The following EIF3F variants were observed in gnomAD, a reference collection of about 807,000 sequenced individuals.
EIF3F encodes the protein eukaryotic translation initiation factor 3 subunit F, also known as deubiquitinating enzyme eIF3f.
EIF3F carries 8 observed loss-of-function variants against 36.0 expected under a neutral mutation model. That is an observed-to-expected ratio of 0.22 (90% confidence interval 0.13 to 0.40). EIF3F has a LOEUF of 0.40. EIF3F is among the 10% of genes least tolerant of loss of function. The pLI is 1.00. For synonymous variants in EIF3F, 184 were observed against 188.5 expected (o/e 0.98, Z 0.19); for missense variants, 430 against 467.6 (o/e 0.92, Z 0.74).
Position 7,992,941 on chromosome 11 carries a change from C to T in EIF3F, c.570C>T (p.Tyr190=), listed in dbSNP as rs1942114041. The T allele has an allele frequency of 1.9e-6, 3 of 1,613,942 alleles. No homozygotes were observed. The highest frequency in any genetic ancestry group is 2.7e-5 in the African/African-American group (2 of 74,920). The change falls in exon 4 of 8, where the codon TAC becomes TAT. Residue 190 remains tyrosine, a synonymous_variant. Transcript: ENST00000651655. ...TEHSVLIHEY[Y]SREAPNPIHL... ...ACTCTGTGCTGATCCACGAGTACTA[C>T]AGCCGAGAGGCCCCCAACCCCATCC... is the stretch of plus-strand genomic sequence containing the variant.
At position 8,001,318 on chromosome 11, in the gene EIF3F, G is replaced by C. The variant is rs1055151627; in HGVS notation, c.*5296G>C. 1 of 152,166 alleles carries C rather than the reference G, an allele frequency of 6.6e-6. No individual in the cohort carries two copies. Among genetic ancestry groups the C allele is most frequent in the African/African-American group, 2.4e-5 (1 of 41,422 alleles). 9.4% of individuals were successfully genotyped at this position (152,166 alleles called of 1,614,324 possible). ...GGTACAGCCCTCTCTATGTAATTTT[G>C]TGTTTGTCAAAATTACAAATATGCA... is the stretch of plus-strand genomic sequence containing the variant. On this transcript the variant is annotated 3_prime_UTR_variant, in exon 8 of 8. Coordinates refer to ENST00000651655, the MANE Select transcript of EIF3F (RefSeq NM_003754.3).
In EIF3F at chr11:8,001,010, T is replaced by C. The variant is rs1386431834; in HGVS notation, c.*4988T>C. 1 of 152,150 alleles carries C rather than the reference T, an allele frequency of 6.6e-6. No homozygotes were observed. Among genetic ancestry groups the C allele is most frequent in the Non-Finnish European group, 1.5e-5 (1 of 68,026 alleles). The allele number at this position is 152,150 out of a possible 1,614,324, so 9.4% of individuals were successfully genotyped here. Reference sequence around the variant, plus strand: ...ATACAAATATAAAACTGGGAAAATATTTGCAGTTCATATCAAAAAAAGGGC... The same window carrying C: ...ATACAAATATAAAACTGGGAAAATACTTGCAGTTCATATCAAAAAAAGGGC... On this transcript the variant is annotated 3_prime_UTR_variant, in exon 8 of 8. Transcript: ENST00000651655.
chr11:8,000,151 A>T lies in EIF3F; in HGVS notation c.*4129A>T, dbSNP rs1349004784. 1.3e-5 allele frequency: 2 copies of T among 152,016 alleles called. No individual in the cohort carries two copies. Among genetic ancestry groups the T allele is most frequent in the African/African-American group, 4.8e-5 (2 of 41,364 alleles). 9.4% of individuals were successfully genotyped at this position (152,016 alleles called of 1,614,324 possible). On this transcript the variant is annotated 3_prime_UTR_variant, in exon 8 of 8. Transcript: ENST00000651655. ...GAAGTGGAGATTTCAGTGAGCTGAGATTCCGCCACTGCAGTCCAGCCTGAG... is the reference window on the plus strand; with the variant it reads ...GAAGTGGAGATTTCAGTGAGCTGAGTTTCCGCCACTGCAGTCCAGCCTGAG...
Position 8,000,578 on chromosome 11 carries a change from T to C in EIF3F, c.*4556T>C, listed in dbSNP as rs1942209735. ...GAGGTGATGGATGTAACTAGCTTGA[T>C]TGTGGTAATCAATTTCGCAATGTGT... On this transcript the variant is annotated 3_prime_UTR_variant, in exon 8 of 8. Transcript: ENST00000651655. The C allele has an allele frequency of 6.6e-6, 1 of 152,224 alleles. No homozygotes were observed. The highest frequency in any genetic ancestry group is 2.4e-5 in the African/African-American group (1 of 41,458). The allele number at this position is 152,224 out of a possible 1,614,324, so 9.4% of individuals were successfully genotyped here.
Position 7,992,441 on chromosome 11 carries a change from A to G in EIF3F, c.515+278A>G. On this transcript the variant is annotated intron_variant, in intron 3 of 7. Transcript: ENST00000651655. ...TAAAAACTTAGCCAGGCATGATGAC[A>G]CACACCTATAGTCCTAGCTATTCAG... 6.2e-6 allele frequency: 3 copies of G among 481,176 alleles called. No homozygotes were observed. In the South Asian group the frequency reaches 6.9e-5, roughly 11 times the overall value. The allele number at this position is 481,176 out of a possible 1,614,324, so 29.8% of individuals were successfully genotyped here.
intron 4 of EIF3F, among the ~76,000 whole-genome samples, chr11:7,994,106 G>A (rs1942133255): frequency 6.6e-6 from 1 of 152,150 alleles, no homozygotes; most frequent in African/African-American, 2.4e-5. Flanking sequence ...ATGGTAGGTA[G>A]CTGTCTAGAC....
chr11:7,994,995 G>T lies in EIF3F; in HGVS notation c.759G>T (p.Met253Ile), dbSNP rs200650004. 6.2e-7 allele frequency: 1 copy of T among 1,613,290 alleles called. No individual in the cohort carries two copies. Among genetic ancestry groups the T allele is most frequent in the African/African-American group, 1.3e-5 (1 of 75,006 alleles). ...DTERIGVDLI[M>I]KTCFSPNRVI... is the part of the protein sequence containing the mutation. Reference sequence around the variant, plus strand: ...CAACTTCCATAGTTGACCTGATCATGAAGACCTGCTTTAGCCCCAACAGAG... The same window carrying T: ...CAACTTCCATAGTTGACCTGATCATTAAGACCTGCTTTAGCCCCAACAGAG... The change falls in exon 6 of 8, where the codon ATG (methionine) becomes ATT (isoleucine). Residue 253 changes from methionine to isoleucine, a missense_variant. This residue lies in a region of EIF3F where 262 missense variants were observed against 347.4 expected (regional missense o/e 0.75). Transcript: ENST00000651655.
rs780753932 is a variant in EIF3F at position 7,991,785 on chromosome 11, T to A, written c.369T>A (p.Thr123=). ...AARVIGTLLG[T]VDKHSVEVTN... Reference sequence around the variant, plus strand: ...GGACGATTCTCTCTTTCACAGGAACTGTCGACAAACACTCAGTGGAGGTCA... The same window carrying A: ...GGACGATTCTCTCTTTCACAGGAACAGTCGACAAACACTCAGTGGAGGTCA... The change falls in exon 2 of 8, where the codon ACT becomes ACA. Residue 123 remains threonine, a synonymous_variant. Transcript: ENST00000651655. 3.1e-6 allele frequency: 5 copies of A among 1,614,226 alleles called. No homozygotes were observed. In the South Asian group the frequency reaches 5.5e-5, roughly 18 times the overall value.
intron 4 of EIF3F, 137 bp downstream of exon 4, chr11:7,993,161 T>C (rs1564886751): frequency 2.0e-6 from 2 of 993,398 alleles, no homozygotes; most frequent in Middle Eastern, 2.2e-4. Flanking sequence ...TCAACAGTTA[T>C]TCTAAAGGTT....
chr11:7,987,364 G>A lies in EIF3F; in HGVS notation c.12G>A (p.Pro4=), dbSNP rs753162508. 6 of 1,593,860 alleles carry A rather than the reference G, an allele frequency of 3.8e-6. No homozygotes were observed. The highest frequency in any genetic ancestry group is 3.4e-5 in the Admixed American group (2 of 59,210). ...TCTTTCTCGACAAGATGGCCACACC[G>A]GCGGTACCAGTAAGTGCTCCTCCGG... MAT[P]AVPVSAPPAT... is the part of the protein sequence containing the mutation. Residue 4 remains proline (P), a synonymous_variant, in exon 1 of 8, where the codon CCG becomes CCA. Transcript: ENST00000651655.
chr11:7,992,180 G>A lies in EIF3F; in HGVS notation c.515+17G>A, dbSNP rs1229257252. On this transcript the variant is annotated intron_variant, in intron 3 of 7. Transcript: ENST00000651655. ...CCTGGGCTGGTAAGTTGGGGAGGTG[G>A]GGGCTGGGGTTAATGGAAGGTCTCT... The A allele has an allele frequency of 1.1e-5, 17 of 1,604,012 alleles. No individual in the cohort carries two copies. Among genetic ancestry groups the A allele is most frequent in the Non-Finnish European group, 1.4e-5 (17 of 1,175,474 alleles).
rs1337063906 is a variant in EIF3F, at chr11:8,001,304, C to T, written c.*5282C>T. 2 of 152,214 alleles carry T rather than the reference C, an allele frequency of 1.3e-5. No individual in the cohort carries two copies. Among genetic ancestry groups the T allele is most frequent in the African/African-American group, 4.8e-5 (2 of 41,450 alleles). 9.4% of individuals were successfully genotyped at this position (152,214 alleles called of 1,614,324 possible). A position where few individuals can be genotyped will look rare whatever the true frequency, so the allele number is the denominator to read the frequency against. ...TAGACATATAAGTTGGTACAGCCCT[C>T]TCTATGTAATTTTGTGTTTGTCAAA... On this transcript the variant is annotated 3_prime_UTR_variant, in exon 8 of 8. Transcript: ENST00000651655.
intron 4 of EIF3F, 145 bp downstream of exon 4, chr11:7,993,169 G>C: frequency 1.0e-6 from 1 of 959,288 alleles, no homozygotes; most frequent in Non-Finnish European, 1.5e-6. Flanking sequence ...TATTCTAAAG[G>C]TTTCACTCTG....
At chr11:7,995,493 C>A in intron 7 of EIF3F, 126 bp downstream of exon 7, 1 of 804,274 alleles carries the variant, frequency 1.2e-6, no homozygotes, top group Non-Finnish European at 2.2e-6. Flanking sequence ...CACCTATAGC[C>A]CCACTGAAGT....
Position 7,998,496 on chromosome 11 carries a change from A to T in EIF3F, c.*2474A>T, listed in dbSNP as rs1450124396. On this transcript the variant is annotated 3_prime_UTR_variant, in exon 8 of 8. Coordinates refer to ENST00000651655, the MANE Select transcript of EIF3F (RefSeq NM_003754.3). ...AATAGACTGAAAAGGATACTTGTTT[A>T]TAAGAACTGAAACAAGAAGGCCTTG... 1 of 152,226 alleles carries T rather than the reference A, an allele frequency of 6.6e-6. No individual in the cohort carries two copies. The highest frequency in any genetic ancestry group is 6.5e-5 in the Admixed American group (1 of 15,284). 9.4% of individuals were successfully genotyped at this position (152,226 alleles called of 1,614,324 possible).
In EIF3F at chr11:7,987,703, C is replaced by T. The variant is rs369055254; in HGVS notation, c.351C>T (p.Ile117=). The T allele has an allele frequency of 1.8e-5, 28 of 1,513,696 alleles. No individual in the cohort carries two copies. The highest frequency in any genetic ancestry group is 2.5e-5 in the Non-Finnish European group (28 of 1,132,288). The allele number at this position is 1,513,696 out of a possible 1,614,324, so 93.8% of individuals were successfully genotyped here. A position where few individuals can be genotyped will look rare whatever the true frequency, so the allele number is the denominator to read the frequency against. ...ERRNEGAARV[I]GTLLGTVDKH... ...GCAACGAGGGTGCTGCCCGAGTTAT[C>T]GGGACCCTGTTGGGTGAGTGGTCAG... Residue 117 remains isoleucine (I), a synonymous_variant, in exon 1 of 8, where the codon ATC becomes ATT. Transcript: ENST00000651655.
chr11:7,998,173 C>A lies in EIF3F; in HGVS notation c.*2151C>A, dbSNP rs1246660235. ...ACCATGAACACTGAATTAGAGAGTA[C>A]TGAACCATTATTCCCAAGGGAAATA... On this transcript the variant is annotated 3_prime_UTR_variant, in exon 8 of 8. Coordinates refer to ENST00000651655, the MANE Select transcript of EIF3F (RefSeq NM_003754.3). The A allele has an allele frequency of 6.6e-6, 1 of 152,174 alleles. No individual in the cohort carries two copies. The highest frequency in any genetic ancestry group is 1.9e-4 in the East Asian group (1 of 5,196). The allele number at this position is 152,174 out of a possible 1,614,324, so 9.4% of individuals were successfully genotyped here. A position where few individuals can be genotyped will look rare whatever the true frequency, so the allele number is the denominator to read the frequency against.
At chr11:7,992,527 A>G (rs1942109106) in intron 3 of EIF3F, 1 of 426,342 alleles carries the variant, frequency 2.3e-6, no homozygotes, top group African/African-American at 2.0e-5. Flanking sequence ...AGCTATGATC[A>G]TGCCTTGCCA....
Position 8,000,588 on chromosome 11 carries a change from C to T in EIF3F, c.*4566C>T, listed in dbSNP as rs1256707708. The T allele has an allele frequency of 6.6e-6, 1 of 152,124 alleles. No individual in the cohort carries two copies. Among genetic ancestry groups the T allele is most frequent in the African/African-American group, 2.4e-5 (1 of 41,412 alleles). The allele number at this position is 152,124 out of a possible 1,614,324, so 9.4% of individuals were successfully genotyped here. A position where few individuals can be genotyped will look rare whatever the true frequency, so the allele number is the denominator to read the frequency against. ...ATGTAACTAGCTTGATTGTGGTAAT[C>T]AATTTCGCAATGTGTACATATATCA... is the stretch of plus-strand genomic sequence containing the variant. On this transcript the variant is annotated 3_prime_UTR_variant, in exon 8 of 8. Transcript: ENST00000651655.
Sources: gnomAD v4.1 joint callset for allele counts (sites outside exome capture counted in the v4.1 genomes callset) on GRCh38, gnomAD v4.1.1 for gene constraint, gnomAD v4.1.1 regional missense constraint, MANE v1.5 for transcripts, NCBI Gene and HGNC (gene_info 2026-07-23, HGNC 2026-07-21) for gene names.